CNTNAP4: variants seen among roughly 807,000 people sequenced by gnomAD.
CNTNAP4 encodes contactin-associated protein-like 4.
Under a neutral mutation model 148.4 loss-of-function variants are expected in CNTNAP4, and 98 were observed. The observed-to-expected ratio is 0.66, with a 90% CI of 0.56 to 0.78. The LOEUF is 0.78. Ranked by LOEUF, CNTNAP4 falls within the 30% of genes least tolerant of loss-of-function variation. CNTNAP4 has a pLI of 0.00. For synonymous variants in CNTNAP4, 730 were observed against 565.1 expected (o/e 1.29, Z -4.14); for missense variants, 1,935 against 1,565.6 (o/e 1.24, Z -3.98).
chr16:76,459,810 T>G (rs146086445), intron 8 of CNTNAP4, among the ~76,000 whole-genome samples: 5 of 152,126 alleles, frequency 3.3e-5, no homozygotes, highest in Non-Finnish European at 7.4e-5. Context: ...ACAAAGACTC[T>G]TAGATTTCAC....
At chr16:76,428,419 GTTTTTTT>G (rs146173411) in intron 4 of CNTNAP4, among the ~76,000 whole-genome samples, 1 of 147,866 alleles carries the variant, frequency 6.8e-6, no homozygotes, top group African/African-American at 2.5e-5. Context: ...TCACGACATC[GTTTTTTT>G]TTTTTCTCTA....
At chr16:76,447,694 C>G (rs1334867948) in intron 4 of CNTNAP4, among the ~76,000 whole-genome samples, 2 of 152,186 alleles carry the variant, frequency 1.3e-5, no homozygotes, top group African/African-American at 2.4e-5. Context: ...ATATTCAACA[C>G]TTTATTATAA....
intron 4 of CNTNAP4, among the ~76,000 whole-genome samples, chr16:76,444,784 C>G (rs2080178660): frequency 6.6e-6 from 1 of 151,906 alleles, no homozygotes; most frequent in Non-Finnish European, 1.5e-5. Context: ...GAGTCTGTTT[C>G]TATATATTAA....
intron 4 of CNTNAP4, among the ~76,000 whole-genome samples, chr16:76,434,270 A>G (rs1450096587): frequency 6.6e-6 from 1 of 152,158 alleles, no homozygotes; most frequent in Non-Finnish European, 1.5e-5. Context: ...TTATGACACA[A>G]AGCCACAAAG....
Position 76,448,064 on chromosome 16 carries a change from T to G in CNTNAP4, c.591T>G (p.Asp197Glu). Residue 197 changes from aspartate (D) to glutamate (E), a missense_variant, in exon 5 of 24, where the codon GAT (aspartate) becomes GAG (glutamate). Asp to Glu is a conservative substitution (Grantham distance 45). Coordinates refer to ENST00000611870, the MANE Select transcript of CNTNAP4 (RefSeq NM_033401.5). ...DGKSSLLYRFDQKSLSPIKDI... is the reference protein window; with the variant it reads ...DGKSSLLYRFEQKSLSPIKDI... ...AAAGTTCCCTTCTCTACAGATTTGA[T>G]CAAAAATCCCTGAGCCCAATAAAAG... The G allele has an allele frequency of 6.2e-7, 1 of 1,613,754 alleles. No individual in the cohort carries two copies. The highest frequency in any genetic ancestry group is 8.5e-7 in the Non-Finnish European group (1 of 1,179,748).
chr16:76,446,125 C>G (rs1009514337), intron 4 of CNTNAP4, among the ~76,000 whole-genome samples: 1 of 151,920 alleles, frequency 6.6e-6, no homozygotes, highest in African/African-American at 2.4e-5. Flanking sequence ...AAGATGGCTG[C>G]ATAAAATAGT....
chr16:76,321,201 C>A (rs1962367980), intron 2 of CNTNAP4, among the ~76,000 whole-genome samples: 1 of 152,142 alleles, frequency 6.6e-6, no homozygotes, highest in African/African-American at 2.4e-5. Context: ...ATATTAAAAT[C>A]AAGCACTTAT....
At chr16:76,311,510 A>C (rs890426466) in intron 1 of CNTNAP4, among the ~76,000 whole-genome samples, 5 of 152,224 alleles carry the variant, frequency 3.3e-5, no homozygotes, top group African/African-American at 1.2e-4. Flanking sequence ...TCATTAAAAC[A>C]TATTGTAGAT....
rs535789802 is a variant in CNTNAP4 at position 76,393,024 on chromosome 16, T to C, written c.391-34428T>C. 2.0e-5 allele frequency among the ~76,000 whole-genome samples: 3 copies of C among 152,354 alleles called. No individual in the cohort carries two copies. The South Asian group carries it at 6.2e-4, about 32-fold the overall frequency. ...TTTATCGTAAGTATTTTAATGACTT[T>C]AACAAGCACAATTGTCTAAATTGTA... On this transcript the variant is annotated intron_variant, in intron 3 of 23. Transcript: ENST00000611870.
chr16:76,448,340 A>C, intron 5 of CNTNAP4, 125 bp downstream of exon 5: 1 of 644,196 alleles, frequency 1.6e-6, no homozygotes, highest in Non-Finnish European at 2.7e-6. Flanking sequence ...GGGCTTGTAC[A>C]TATGTCAATA....
rs1366189550 is a variant in CNTNAP4, at chr16:76,462,088, G to T, written c.1466G>T (p.Gly489Val). ...LLGPEQIYSG[G>V]TYYFGGCPDK... ...GGGCCTGAGCAGATTTATTCGGGTG[G>T]CACCTATTATTTTGGAGGTAAGAAT... The change falls in exon 9 of 24, where the codon GGC becomes GTC. Residue 489 changes from glycine to valine, a missense_variant. Coordinates refer to ENST00000611870, the MANE Select transcript of CNTNAP4 (RefSeq NM_033401.5). The T allele has an allele frequency of 4.3e-6, 7 of 1,613,258 alleles. No homozygotes were observed. Among genetic ancestry groups the T allele is most frequent in the African/African-American group, 4.0e-5 (3 of 74,876 alleles).
chr16:76,317,712 T>C (rs1163234659), intron 2 of CNTNAP4, among the ~76,000 whole-genome samples: 1 of 150,488 alleles, frequency 6.6e-6, no homozygotes, highest in Non-Finnish European at 1.5e-5. Flanking sequence ...GGTAAGAGTG[T>C]GTGTGTGTGT....
At chr16:76,454,584 CTT>C (rs1341967330) in intron 8 of CNTNAP4, among the ~76,000 whole-genome samples, 1 of 151,956 alleles carries the variant, frequency 6.6e-6, no homozygotes, top group Non-Finnish European at 1.5e-5. Flanking sequence ...TCTCTCTACT[CTT>C]TTTTTTCCGT....
chr16:76,357,058 A>AATAC (rs2012759793), intron 3 of CNTNAP4, among the ~76,000 whole-genome samples: 1 of 148,050 alleles, frequency 6.8e-6, no homozygotes, highest in Admixed American at 6.7e-5. Flanking sequence ...AACAAAACAA[A>AATAC]ACACACACAC....
chr16:76,389,352 T>TC (rs2016765516), intron 3 of CNTNAP4, among the ~76,000 whole-genome samples: 1 of 152,204 alleles, frequency 6.6e-6, no homozygotes, highest in Non-Finnish European at 1.5e-5. Flanking sequence ...CAAATCAATG[T>TC]CATGGAATTC....
intron 3 of CNTNAP4, among the ~76,000 whole-genome samples, chr16:76,408,231 C>T (rs1018994009): frequency 4.6e-5 from 7 of 151,208 alleles, no homozygotes; most frequent in East Asian, 3.9e-4. Context: ...AGTCTGGAAC[C>T]GAATCCACAG....
At position 76,540,810 on chromosome 16, in the gene CNTNAP4, T is replaced by A. The variant is rs2084420223; in HGVS notation, c.3442+20T>A. The stretch of plus-strand genomic sequence containing the variant: ...TTTTAGGTAAGTGAAAGAAACAACC[T>A]TTCCCCTAACCATGCTAATCATGAT... On this transcript the variant is annotated intron_variant, in intron 21 of 23. Transcript: ENST00000611870. The A allele has an allele frequency of 6.6e-7, 1 of 1,506,684 alleles. No homozygotes were observed. The highest frequency in any genetic ancestry group is 1.4e-5 in the African/African-American group (1 of 72,448). The allele number at this position is 1,506,684 out of a possible 1,614,324, so 93.3% of individuals were successfully genotyped here.
At chr16:76,480,045 T>G (rs953367946) in intron 12 of CNTNAP4, among the ~76,000 whole-genome samples, 2 of 152,170 alleles carry the variant, frequency 1.3e-5, no homozygotes, top group African/African-American at 2.4e-5. Context: ...TATATTAGTT[T>G]ATAGTGGAAT....
At chr16:76,461,607 G>T (rs2080965572) in intron 8 of CNTNAP4, among the ~76,000 whole-genome samples, 2 of 152,130 alleles carry the variant, frequency 1.3e-5, no homozygotes, top group Admixed American at 6.5e-5. Flanking sequence ...GTGCAAAGTA[G>T]CAGGTAAACC....
Sources: allele counts gnomAD v4.1 joint callset (sites outside exome capture counted in the v4.1 genomes callset), GRCh38; gene constraint gnomAD v4.1.1; transcripts MANE v1.5; gene names NCBI Gene and HGNC (gene_info 2026-07-23, HGNC 2026-07-21).